TLL1: variants seen among roughly 807,000 people sequenced by gnomAD.
TLL1 encodes the protein tolloid like 1.
TLL1 carries 49 observed loss-of-function variants against 128.2 expected under a neutral mutation model. The observed-to-expected ratio is 0.38, with a 90% CI of 0.30 to 0.48. The LOEUF (loss-of-function observed/expected upper bound fraction) is 0.48, where lower values mean the gene tolerates loss of function less well. Among genes scored for constraint, TLL1 ranks in the 20% least tolerant of loss-of-function variants. TLL1 has a pLI of 0.96. For missense variants in TLL1, 1,123 were observed against 1,242.0 expected (o/e 0.90, Z 1.44); for synonymous variants, 454 against 418.8 (o/e 1.08, Z -1.03).
intron 1 of TLL1, among the ~76,000 whole-genome samples, chr4:165,898,628 T>G (rs1731804292): frequency 6.6e-6 from 1 of 152,250 alleles, no homozygotes; most frequent in African/African-American, 2.4e-5. Flanking sequence ...TGAATTTGGT[T>G]TGCCAGTATT....
intron 14 of TLL1, among the ~76,000 whole-genome samples, chr4:166,058,279 CATCT>C (rs890422317): frequency 3.3e-5 from 5 of 152,186 alleles, no homozygotes; most frequent in East Asian, 3.9e-4. Context: ...TCCATCCATC[CATCT>C]GTCTATCCAT....
At chr4:165,957,696 T>A (rs934567740) in intron 1 of TLL1, among the ~76,000 whole-genome samples, 1 of 148,090 alleles carries the variant, frequency 6.8e-6, no homozygotes, top group Admixed American at 6.7e-5. Context: ...GTCCATTGGA[T>A]CATTCTTTTT....
intron 18 of TLL1, among the ~76,000 whole-genome samples, chr4:166,081,889 A>G (rs1429500480): frequency 6.6e-6 from 1 of 152,116 alleles, no homozygotes; most frequent in Admixed American, 6.6e-5. Context: ...ATTCTCAATT[A>G]TATATCTTTC....
intron 1 of TLL1, among the ~76,000 whole-genome samples, chr4:165,948,277 T>G (rs547979382): frequency 6.6e-6 from 1 of 152,136 alleles, no homozygotes; most frequent in African/African-American, 2.4e-5. Flanking sequence ...ATTTCACAGG[T>G]CCACAGATGG....
chr4:165,896,820 C>A (rs550542984), intron 1 of TLL1, among the ~76,000 whole-genome samples: 4 of 152,114 alleles, frequency 2.6e-5, no homozygotes, highest in Non-Finnish European at 5.9e-5. Flanking sequence ...CTTGATGAAT[C>A]GCCACACTGT....
intron 12 of TLL1, chr4:166,044,570 A>G: frequency 1.6e-6 from 1 of 636,682 alleles, no homozygotes. Flanking sequence ...GCTCCAGACC[A>G]TTTTTTTTTT....
intron 13 of TLL1, among the ~76,000 whole-genome samples, chr4:166,056,969 A>C (rs1740039457): frequency 6.6e-6 from 1 of 152,116 alleles, no homozygotes; most frequent in Non-Finnish European, 1.5e-5. Context: ...GTTTTTTAGA[A>C]AGATTTACGC....
intron 12 of TLL1, among the ~76,000 whole-genome samples, chr4:166,048,345 C>T (rs987453703): frequency 5.9e-5 from 9 of 151,974 alleles, no homozygotes; most frequent in African/African-American, 1.7e-4. Flanking sequence ...TCTGCTAGTG[C>T]CTTAACCTTG....
chr4:165,911,003 A>G (rs1384878749), intron 1 of TLL1, among the ~76,000 whole-genome samples: 3 of 152,188 alleles, frequency 2.0e-5, no homozygotes, highest in Non-Finnish European at 2.9e-5. Flanking sequence ...TAGGATATCC[A>G]TCACTTTGAG....
chr4:165,913,266 C>T (rs58654858), intron 1 of TLL1, among the ~76,000 whole-genome samples: 16,163 of 152,158 alleles, frequency 0.11, 2,697 homozygotes, highest in African/African-American at 0.36. Flanking sequence ...CTAAGAATCT[C>T]AATAGGTTCT....
At chr4:165,975,622 T>C (rs1735841591) in intron 1 of TLL1, among the ~76,000 whole-genome samples, 2 of 152,196 alleles carry the variant, frequency 1.3e-5, no homozygotes, top group African/African-American at 4.8e-5. Flanking sequence ...TTAGATCTCT[T>C]ATAAAGCTAA....
Position 166,047,044 on chromosome 4 carries a change from T to G in TLL1, c.1524+3625T>G, listed in dbSNP as rs910311650. ...ATTTTATACATATTTATGTTGAAAATGTATAATCAAAATGTTTTCATAAAT... is the reference window on the plus strand; with the variant it reads ...ATTTTATACATATTTATGTTGAAAAGGTATAATCAAAATGTTTTCATAAAT... On this transcript the variant is annotated intron_variant, in intron 12 of 20. Coordinates refer to ENST00000061240, the MANE Select transcript of TLL1 (RefSeq NM_012464.5). Among the ~76,000 whole-genome samples the G allele has an allele frequency of 2.6e-5, 4 of 152,216 alleles. No homozygotes were observed. In the East Asian group the frequency reaches 7.7e-4, roughly 29 times the overall value.
At chr4:165,875,324 G>C (rs1730677191) in intron 1 of TLL1, among the ~76,000 whole-genome samples, 1 of 152,060 alleles carries the variant, frequency 6.6e-6, no homozygotes, top group South Asian at 2.1e-4. Context: ...AAAAATGCTG[G>C]AAATTCCCTA....
intron 1 of TLL1, among the ~76,000 whole-genome samples, chr4:165,887,621 T>C (rs1233051448): frequency 6.6e-6 from 1 of 152,218 alleles, no homozygotes; most frequent in Non-Finnish European, 1.5e-5. Context: ...GGTCCCCTCA[T>C]GTTGTTGTTT....
chr4:166,069,368 T>G (rs1323056703), intron 16 of TLL1, among the ~76,000 whole-genome samples: 2 of 151,774 alleles, frequency 1.3e-5, no homozygotes, highest in African/African-American at 4.8e-5. Flanking sequence ...GTTCAGCTAT[T>G]TGTTCCACAC....
At chr4:165,933,456 C>G (rs1561037554) in intron 1 of TLL1, among the ~76,000 whole-genome samples, 1 of 152,134 alleles carries the variant, frequency 6.6e-6, no homozygotes, top group Non-Finnish European at 1.5e-5. Context: ...AGACCGTCAT[C>G]ATCATGGCGC....
intron 1 of TLL1, among the ~76,000 whole-genome samples, chr4:165,966,016 TAAAAATAC>T (rs746407121): frequency 1.3e-5 from 2 of 151,720 alleles, no homozygotes; most frequent in African/African-American, 2.4e-5. Context: ...CTGTCTCTAC[TAAAAATAC>T]AAAAATTAGC....
chr4:165,880,893 A>G (rs1239843164), intron 1 of TLL1, among the ~76,000 whole-genome samples: 1 of 151,912 alleles, frequency 6.6e-6, no homozygotes, highest in East Asian at 1.9e-4. Flanking sequence ...TGCTGCTGTA[A>G]GTGTCTTCTG....
intron 1 of TLL1, among the ~76,000 whole-genome samples, chr4:165,954,326 T>A (rs1734674414): frequency 6.6e-6 from 1 of 152,086 alleles, no homozygotes; most frequent in Admixed American, 6.6e-5. Flanking sequence ...TTAGAAGGAA[T>A]AAGTAGGTTC....
Sources: gnomAD v4.1 joint callset for allele counts (sites outside exome capture counted in the v4.1 genomes callset) on GRCh38, gnomAD v4.1.1 for gene constraint, MANE v1.5 for transcripts, NCBI Gene and HGNC (gene_info 2026-07-23, HGNC 2026-07-21) for gene names.